Variants in KIZ observed in about 807,000 individuals in gnomAD.
The protein encoded by KIZ is centrosomal protein kizuna.
In KIZ, 68 loss-of-function variants were observed where a neutral mutation model predicts 79.6. The ratio of observed to expected loss-of-function variants is 0.85; its 90% CI spans 0.70 to 1.05. The LOEUF is 1.05. Among genes scored for constraint, KIZ ranks in the 50% least tolerant of loss-of-function variants. The pLI is 0.00. For synonymous variants in KIZ, 280 were observed against 281.8 expected (o/e 0.99, Z 0.06); for missense variants, 797 against 800.4 (o/e 1.00, Z 0.05).
At chr20:21,154,409 T>C (rs2033273029) in intron 4 of KIZ, among the ~76,000 whole-genome samples, 1 of 152,222 alleles carries the variant, frequency 6.6e-6, no homozygotes, top group Admixed American at 6.5e-5. Flanking sequence ...TTCCTGATTT[T>C]TAAAAGTTAT....
intron 1 of KIZ, among the ~76,000 whole-genome samples, chr20:21,128,122 C>T (rs977855595): frequency 4.6e-5 from 7 of 152,184 alleles, no homozygotes; most frequent in Admixed American, 1.3e-4. Context: ...AAGCGATTGT[C>T]CTGCCTCAGC....
At chr20:21,134,086 AGGCTGTGGC>A (rs1189765106) in intron 2 of KIZ, among the ~76,000 whole-genome samples, 4 of 152,308 alleles carry the variant, frequency 2.6e-5, no homozygotes, top group South Asian at 2.1e-4. Context: ...CACATGCAGC[AGGCTGTGGC>A]GGCTGTGGCG....
chr20:21,199,794 G>C (rs1383463796), intron 6 of KIZ, among the ~76,000 whole-genome samples: 1 of 152,070 alleles, frequency 6.6e-6, no homozygotes, highest in East Asian at 1.9e-4. Flanking sequence ...GTTCTTTAAT[G>C]GTTAATAACT....
intron 11 of KIZ, among the ~76,000 whole-genome samples, chr20:21,241,609 CTG>C (rs1317195385): frequency 6.6e-6 from 1 of 152,260 alleles, no homozygotes; most frequent in African/African-American, 2.4e-5. Context: ...CAAAGCTACA[CTG>C]TGTAACCACA....
In KIZ at chr20:21,207,563, C is replaced by T. The variant is rs1419933766; in HGVS notation, c.1446+1979C>T. 3.3e-5 allele frequency among the ~76,000 whole-genome samples: 5 copies of T among 149,718 alleles called. No individual in the cohort carries two copies. The Admixed American group carries it at 3.3e-4, about 10-fold the overall frequency. ...CTTTTCCCTCTTCTCCTCAAACTTC[C>T]TTCCCTCCCCCCTTTCCCTTAGAGG... On this transcript the variant is annotated intron_variant, in intron 7 of 12. Coordinates refer to ENST00000619189, the MANE Select transcript of KIZ (RefSeq NM_018474.6).
intron 7 of KIZ, among the ~76,000 whole-genome samples, chr20:21,210,924 A>G (rs1194841408): frequency 1.3e-5 from 2 of 151,598 alleles, no homozygotes; most frequent in South Asian, 2.1e-4. Flanking sequence ...TTCTTTGCTC[A>G]TTTTTGTATT....
Position 21,212,535 on chromosome 20 carries a change from A to G in KIZ, c.1447-2000A>G, listed in dbSNP as rs79961886. Among the ~76,000 whole-genome samples, 1,164 of 152,360 alleles carry G rather than the reference A, an allele frequency of 7.6e-3. 20 individuals carry two copies. Among genetic ancestry groups the G allele is most frequent in the African/African-American group, 0.027 (1,120 of 41,580 alleles). On this transcript the variant is annotated intron_variant, in intron 7 of 12. Coordinates refer to ENST00000619189, the MANE Select transcript of KIZ (RefSeq NM_018474.6). Reference sequence around the variant, plus strand: ...AGTTTAAGGTAGGCAAAGCTTAACTATGATGTTCAGTAGGTTAGGTGTGTT... The same window carrying G: ...AGTTTAAGGTAGGCAAAGCTTAACTGTGATGTTCAGTAGGTTAGGTGTGTT...
chr20:21,164,016 C>G (rs1033290559), intron 6 of KIZ, among the ~76,000 whole-genome samples: 3 of 152,166 alleles, frequency 2.0e-5, no homozygotes, highest in Admixed American at 6.6e-5. Flanking sequence ...AGTGGTGTCA[C>G]GTAGGTCTAC....
chr20:21,138,194 C>T (rs1049786820), intron 3 of KIZ, among the ~76,000 whole-genome samples: 1 of 152,136 alleles, frequency 6.6e-6, no homozygotes, highest in Non-Finnish European at 1.5e-5. Context: ...ATTATTGTGC[C>T]TTTTTTGTCT....
chr20:21,181,715 T>C (rs2034663275), intron 6 of KIZ, among the ~76,000 whole-genome samples: 1 of 152,196 alleles, frequency 6.6e-6, no homozygotes, highest in Non-Finnish European at 1.5e-5. Flanking sequence ...CTCCTCGGCC[T>C]CCCAAAGTGC....
chr20:21,230,741 G>A (rs2036807813), intron 10 of KIZ, among the ~76,000 whole-genome samples: 1 of 152,192 alleles, frequency 6.6e-6, no homozygotes, highest in Non-Finnish European at 1.5e-5. Flanking sequence ...ATAAGACATT[G>A]TAGTTTATTG....
intron 6 of KIZ, among the ~76,000 whole-genome samples, chr20:21,172,621 A>G (rs2034260417): frequency 6.6e-6 from 1 of 152,000 alleles, no homozygotes; most frequent in Non-Finnish European, 1.5e-5. Context: ...TATTATGATG[A>G]AGAATAAGCA....
At position 21,136,532 on chromosome 20, in the gene KIZ, G is replaced by A. The variant is rs776100595; in HGVS notation, c.295G>A (p.Glu99Lys). 3 of 1,563,022 alleles carry A rather than the reference G, an allele frequency of 1.9e-6. No homozygotes were observed. Among genetic ancestry groups the A allele is most frequent in the Non-Finnish European group, 2.6e-6 (3 of 1,158,802 alleles). The change falls in exon 3 of 13, where the codon GAG (glutamate) becomes AAG (lysine). Residue 99 changes from glutamate (E) to lysine (K), a missense_variant. Transcript: ENST00000619189. ...TGTTGTACACTTCACCACAAATACA[G>A]AGAAGCTTCAAAAACTGAAGGTGAC... is the stretch of plus-strand genomic sequence containing the variant. ...AHVVHFTTNTEKLQKLKLEYE... is the reference protein window; with the variant it reads ...AHVVHFTTNTKKLQKLKLEYE...
At chr20:21,229,275 G>T in intron 10 of KIZ, among the ~76,000 whole-genome samples, 160 bp downstream of exon 10, 1 of 152,244 alleles carries the variant, frequency 6.6e-6, no homozygotes, top group African/African-American at 2.4e-5. Flanking sequence ...TTAGCAAATG[G>T]ACATGTGGAA....
intron 6 of KIZ, among the ~76,000 whole-genome samples, chr20:21,193,214 A>G (rs947954007): frequency 6.6e-6 from 1 of 152,196 alleles, no homozygotes; most frequent in East Asian, 1.9e-4. Context: ...TGAGATTGCT[A>G]TTCCTTGGAG....
Position 21,162,936 on chromosome 20 carries a change from G to C in KIZ, c.1129G>C (p.Asp377His), listed in dbSNP as rs1161883098. ...EEEESWSTSS[D>H]LTISISEDDL... ...GGAGGAAAGTTGGAGCACCAGCAGT[G>C]ACCTTACCATTTCAATAAGTGAAGA... The change falls in exon 6 of 13, where the codon GAC (aspartate) becomes CAC (histidine). Residue 377 changes from aspartate (D) to histidine (H), a missense_variant. Transcript: ENST00000619189. 11 of 1,613,476 alleles carry C rather than the reference G, an allele frequency of 6.8e-6. No homozygotes were observed. Among genetic ancestry groups the C allele is most frequent in the Non-Finnish European group, 5.9e-6 (7 of 1,179,692 alleles).
At chr20:21,240,318 T>G (rs2037171541) in intron 11 of KIZ, among the ~76,000 whole-genome samples, 1 of 152,072 alleles carries the variant, frequency 6.6e-6, no homozygotes. Context: ...AGAGACAGGG[T>G]TTCACCATGT....
At chr20:21,152,209 C>G (rs1038577906) in intron 4 of KIZ, among the ~76,000 whole-genome samples, 10 of 152,110 alleles carry the variant, frequency 6.6e-5, no homozygotes, top group Non-Finnish European at 1.3e-4. Context: ...GAGAGGGAGG[C>G]AATGAGCTGG....
chr20:21,167,292 T>C (rs1002517782), intron 6 of KIZ, among the ~76,000 whole-genome samples: 27 of 152,206 alleles, frequency 1.8e-4, no homozygotes, highest in African/African-American at 6.5e-4. Context: ...TGTCTACCCA[T>C]AATGACTGGG....
Sources: gnomAD v4.1 joint callset for allele counts (sites outside exome capture counted in the v4.1 genomes callset) on GRCh38, gnomAD v4.1.1 for gene constraint, MANE v1.5 for transcripts, NCBI Gene and HGNC (gene_info 2026-07-23, HGNC 2026-07-21) for gene names.